The following FAR2 variants were observed in gnomAD, a reference collection of about 807,000 sequenced individuals.
FAR2 encodes epididymis secretory protein Li 81.
A neutral mutation model predicts 56.0 loss-of-function variants in FAR2; 19 were observed. That is an observed-to-expected ratio of 0.34 (90% CI 0.24 to 0.50). The LOEUF (loss-of-function observed/expected upper bound fraction) is 0.50. Ranked by LOEUF, FAR2 falls within the 20% of genes least tolerant of loss-of-function variation. The pLI is 0.98. For synonymous variants in FAR2, 219 were observed against 218.8 expected, an observed-to-expected ratio of 1.00 and a Z score of -0.01; for missense variants, 508 against 642.2, an observed-to-expected ratio of 0.79 and a Z score of 2.26.
chr12:29,324,370 A>G (rs892965610), intron 10 of FAR2, among the ~76,000 whole-genome samples: 1 of 152,198 alleles, frequency 6.6e-6, no homozygotes, highest in Non-Finnish European at 1.5e-5. Flanking sequence ...AAGGCAGGCC[A>G]ACATTCAAAT....
At chr12:29,149,849 C>A (rs536574157) in intron 1 of FAR2, among the ~76,000 whole-genome samples, 1 of 152,300 alleles carries the variant, frequency 6.6e-6, no homozygotes, top group South Asian at 2.1e-4. Flanking sequence ...GCCGGGGCCA[C>A]GTGTGAAACG....
intron 1 of FAR2, among the ~76,000 whole-genome samples, chr12:29,211,438 G>A (rs1035313756): frequency 6.6e-6 from 1 of 152,104 alleles, no homozygotes; most frequent in Non-Finnish European, 1.5e-5. Flanking sequence ...ATATTTGACC[G>A]ATCATAATGT....
chr12:29,163,175 C>T (rs974658871), intron 1 of FAR2, among the ~76,000 whole-genome samples: 4 of 152,174 alleles, frequency 2.6e-5, no homozygotes, highest in Admixed American at 6.5e-5. Context: ...AGGACATAGC[C>T]TCTAGAGCTA....
rs987822809 is a variant in FAR2 at position 29,197,747 on chromosome 12, T to C, written c.-39+48340T>C. On this transcript the variant is annotated intron_variant, in intron 1 of 11. Transcript: ENST00000536681. Reference sequence around the variant, plus strand: ...GTTTCATTATACCTTAAACTAATGATGTGGAGCATTGACTTCTTTCAAAAC... The same window carrying C: ...GTTTCATTATACCTTAAACTAATGACGTGGAGCATTGACTTCTTTCAAAAC... Among the ~76,000 whole-genome samples, 3 of 152,202 alleles carry C rather than the reference T, an allele frequency of 2.0e-5. No individual in the cohort carries two copies. In the East Asian group the frequency reaches 5.8e-4, roughly 29 times the overall value.
intron 10 of FAR2, among the ~76,000 whole-genome samples, chr12:29,323,523 C>T (rs1021419832): frequency 3.9e-5 from 6 of 152,316 alleles, no homozygotes; most frequent in East Asian, 1.9e-4. Context: ...ACACATCACA[C>T]GGCCAGGTAC....
At chr12:29,188,081 G>A (rs1226620024) in intron 1 of FAR2, among the ~76,000 whole-genome samples, 1 of 152,114 alleles carries the variant, frequency 6.6e-6, no homozygotes, top group African/African-American at 2.4e-5. Context: ...ATGATGTTGA[G>A]TTGTTATAAT....
intron 1 of FAR2, among the ~76,000 whole-genome samples, chr12:29,262,800 A>G (rs938186191): frequency 1.5e-4 from 23 of 152,214 alleles, no homozygotes; most frequent in African/African-American, 5.3e-4. Flanking sequence ...TTACTTATCA[A>G]TAATAACATT....
intron 2 of FAR2, chr12:29,292,986 C>G (rs1200823650): frequency 1.1e-5 from 2 of 180,352 alleles, no homozygotes; most frequent in East Asian, 2.7e-4. Flanking sequence ...CCATCTCAGC[C>G]TCCCAAGCAG....
At chr12:29,223,614 T>G (rs776656926) in intron 1 of FAR2, 1 of 152,208 alleles carries the variant, frequency 6.6e-6, no homozygotes, top group Non-Finnish European at 1.5e-5. Flanking sequence ...AACACATTAC[T>G]TGGATTTCAC....
intron 9 of FAR2, among the ~76,000 whole-genome samples, chr12:29,321,375 A>G (rs60675725): frequency 0.023 from 3,495 of 152,250 alleles, 122 homozygotes; most frequent in African/African-American, 0.079. Context: ...TATACAAAAA[A>G]TTAGCTGGGC....
chr12:29,250,036 C>T (rs1591890601), intron 1 of FAR2, among the ~76,000 whole-genome samples: 1 of 152,198 alleles, frequency 6.6e-6, no homozygotes, highest in South Asian at 2.1e-4. Context: ...AGCATTTGTG[C>T]ACCACCTCCT....
rs902242145 is a variant in FAR2, at chr12:29,309,168, A to T, written c.724-18A>T. Reference sequence around the variant, plus strand: ...ATTTTCTGAAATGTGTAACCAATAGAAATCTTCTTTCTTTTAGGGTTGGGT... The same window carrying T: ...ATTTTCTGAAATGTGTAACCAATAGTAATCTTCTTTCTTTTAGGGTTGGGT... On this transcript the variant is annotated intron_variant, in intron 5 of 11. Transcript: ENST00000536681. The T allele has an allele frequency of 6.3e-6, 10 of 1,575,772 alleles. No homozygotes were observed. In the Admixed American group the frequency reaches 1.3e-4, roughly 21 times the overall value.
At chr12:29,217,577 T>C (rs1947637845) in intron 1 of FAR2, among the ~76,000 whole-genome samples, 3 of 152,182 alleles carry the variant, frequency 2.0e-5, no homozygotes. Flanking sequence ...ATCCTAAAGA[T>C]ATTCAAAATC....
At chr12:29,273,881 G>A (rs1269696949) in intron 2 of FAR2, among the ~76,000 whole-genome samples, 1 of 152,012 alleles carries the variant, frequency 6.6e-6, no homozygotes, top group African/African-American at 2.4e-5. Flanking sequence ...CCCTTGGCTG[G>A]GGAGAGGGGA....
chr12:29,311,665 T>TTC (rs762335307), intron 7 of FAR2, among the ~76,000 whole-genome samples: 1,146 of 69,752 alleles, frequency 0.016, 5 homozygotes, highest in Middle Eastern at 0.033. Flanking sequence ...TAACATCTCT[T>TTC]TCACACACAC....
At chr12:29,283,428 A>G (rs1051011217) in intron 2 of FAR2, among the ~76,000 whole-genome samples, 5 of 152,190 alleles carry the variant, frequency 3.3e-5, no homozygotes, top group African/African-American at 1.2e-4. Flanking sequence ...ACATTTTCCA[A>G]ATACGATGAA....
intron 2 of FAR2, among the ~76,000 whole-genome samples, chr12:29,289,114 A>G (rs1948920095): frequency 6.6e-6 from 1 of 152,178 alleles, no homozygotes; most frequent in Non-Finnish European, 1.5e-5. Flanking sequence ...CCATACTACC[A>G]TCCAAAGCAG....
At position 29,333,723 on chromosome 12, in the gene FAR2, T is replaced by C. The variant is rs780423588; in HGVS notation, c.1477T>C (p.Trp493Arg). ...IARSQMARNV[W>R]FFIVSFCYKF... Reference sequence around the variant, plus strand: ...AAGATCTCAGATGGCTCGGAATGTCTGGTTCTTCATTGTAAGCTTCTGTTA... The same window carrying C: ...AAGATCTCAGATGGCTCGGAATGTCCGGTTCTTCATTGTAAGCTTCTGTTA... The change falls in exon 12 of 12, where the codon TGG (tryptophan) becomes CGG (arginine). Residue 493 changes from tryptophan to arginine, a missense_variant. Trp to Arg is a moderately radical substitution (Grantham distance 101). Transcript: ENST00000536681. 1 of 1,613,902 alleles carries C rather than the reference T, an allele frequency of 6.2e-7. No individual in the cohort carries two copies. The highest frequency in any genetic ancestry group is 1.1e-5 in the South Asian group (1 of 91,068).
intron 1 of FAR2, among the ~76,000 whole-genome samples, chr12:29,254,891 T>G (rs571616534): frequency 1.3e-4 from 19 of 150,634 alleles, no homozygotes; most frequent in Admixed American, 4.7e-4. Context: ...AGGCGGAGGT[T>G]GCAGTGAGTA....
Sources: allele counts gnomAD v4.1 joint callset (sites outside exome capture counted in the v4.1 genomes callset), GRCh38; gene constraint gnomAD v4.1.1; transcripts MANE v1.5; gene names NCBI Gene and HGNC (gene_info 2026-07-23, HGNC 2026-07-21).